PAEP: variants seen among roughly 807,000 people sequenced by gnomAD.
The protein encoded by PAEP is glycodelin.
A neutral mutation model predicts 23.0 loss-of-function variants in PAEP; 28 were observed. The observed-to-expected ratio is 1.22, with a 90% CI of 0.90 to 1.67. The LOEUF (loss-of-function observed/expected upper bound fraction) is 1.67. PAEP is among the 40% of genes most tolerant of loss of function. The probability of loss-of-function intolerance (pLI) is 0.00; values close to 1 mark genes in which losing one functional copy is unlikely to be tolerated. For synonymous variants in PAEP, 103 were observed against 92.4 expected, an observed-to-expected ratio of 1.12 and a Z score of -0.66; for missense variants, 209 against 226.4, an observed-to-expected ratio of 0.92 and a Z score of 0.49.
At chr9:135,565,241 G>T (rs1208281796) in intron 4 of PAEP, 169 bp from the exon 5 acceptor site, 4 of 623,026 alleles carry the variant, frequency 6.4e-6, no homozygotes, top group African/African-American at 1.8e-5. Flanking sequence ...GAGGTGCAGT[G>T]GACAGAGCCC....
chr9:135,563,990 C>T (rs1832458073), intron 3 of PAEP, among the ~76,000 whole-genome samples: 1 of 152,204 alleles, frequency 6.6e-6, no homozygotes, highest in Non-Finnish European at 1.5e-5. Flanking sequence ...GTCACAGCCT[C>T]CCTGCCTGCC....
chr9:135,564,043 C>T (rs1832460184), intron 3 of PAEP, among the ~76,000 whole-genome samples: 1 of 152,308 alleles, frequency 6.6e-6, no homozygotes. Flanking sequence ...CCCCCTCAGC[C>T]GGGGCTCCAT....
At chr9:135,565,844 C>T (rs781151840) in intron 6 of PAEP, 43 bp downstream of exon 6, 17 of 1,611,972 alleles carry the variant, frequency 1.1e-5, no homozygotes, top group Middle Eastern at 1.6e-4. Flanking sequence ...ATGTATCAGC[C>T]TCGCCCACTG....
chr9:135,565,609 A>C, intron 5 of PAEP, 95 bp downstream of exon 5: 1 of 1,394,430 alleles, frequency 7.2e-7, no homozygotes, highest in Non-Finnish European at 1.0e-6. Flanking sequence ...GACTCAGGTC[A>C]CTCCTTTTTG....
At chr9:135,562,956 G>A in intron 3 of PAEP, 63 bp downstream of exon 3, 1 of 1,341,178 alleles carries the variant, frequency 7.5e-7, no homozygotes, top group South Asian at 1.2e-5. Flanking sequence ...CTCTCCCAGA[G>A]GCGGCTCTGC....
At chr9:135,565,959 C>A in intron 6 of PAEP, 158 bp downstream of exon 6, 1 of 817,812 alleles carries the variant, frequency 1.2e-6, no homozygotes, top group Non-Finnish European at 2.1e-6. Flanking sequence ...TCCAGAAAGC[C>A]AGGCTGCTGA....
At chr9:135,562,977 G>A (rs777229310) in intron 3 of PAEP, 84 bp downstream of exon 3, 2 of 1,046,902 alleles carry the variant, frequency 1.9e-6, no homozygotes, top group East Asian at 2.4e-5. Context: ...TGGGGCATGA[G>A]GGAGTGGGGC....
chr9:135,565,205 A>T, intron 4 of PAEP: 1 of 591,092 alleles, frequency 1.7e-6, no homozygotes, highest in South Asian at 2.0e-5. Context: ...CGGGCCAAGG[A>T]GTGGGAGCTG....
At chr9:135,563,935 C>T (rs879654541) in intron 3 of PAEP, among the ~76,000 whole-genome samples, 4 of 152,142 alleles carry the variant, frequency 2.6e-5, no homozygotes, top group Non-Finnish European at 5.9e-5. Flanking sequence ...TGCCATCTCC[C>T]GCCATCCTCA....
intron 4 of PAEP, 118 bp downstream of exon 4, chr9:135,564,472 T>A (rs1832485616): frequency 6.8e-7 from 1 of 1,471,508 alleles, no homozygotes. Context: ...GTGGGCTGAC[T>A]TTTTTTTTCT....
chr9:135,563,782 C>T (rs961782808), intron 3 of PAEP, among the ~76,000 whole-genome samples: 2 of 152,166 alleles, frequency 1.3e-5, no homozygotes, highest in African/African-American at 4.8e-5. Flanking sequence ...CCCTCATGGG[C>T]ACATTTTCCC....
chr9:135,563,221 G>T (rs1024892270), intron 3 of PAEP, among the ~76,000 whole-genome samples: 36 of 152,190 alleles, frequency 2.4e-4, no homozygotes, highest in African/African-American at 8.4e-4. Context: ...CAGGTGGGCA[G>T]GTGGGCAGGT....
intron 1 of PAEP, 37 bp from the exon 2 acceptor site, chr9:135,562,257 T>G (rs1460066044): frequency 1.2e-6 from 2 of 1,604,796 alleles, no homozygotes; most frequent in Admixed American, 1.7e-5. Flanking sequence ...AGAGCCATGG[T>G]GGGGTGGGAC....
rs149474883 is a variant in PAEP at position 135,564,940 on chromosome 9, G to A, written c.422-470G>A. On this transcript the variant is annotated intron_variant, in intron 4 of 6. Transcript: ENST00000479141. ...TACTCACTGGGCGTCCAGTCAAAAC[G>A]CCCTGAAACCTATGATGCTGTCAAC... 36 of 922,214 alleles carry A rather than the reference G, an allele frequency of 3.9e-5. No homozygotes were observed. In the East Asian group the frequency reaches 3.1e-3, roughly 80 times the overall value. The allele number at this position is 922,214 out of a possible 1,614,324, so 57.1% of individuals were successfully genotyped here.
chr9:135,564,206 G>T (rs997923319), intron 3 of PAEP, 38 bp from the exon 4 acceptor site: 40 of 1,550,948 alleles, frequency 2.6e-5, no homozygotes, highest in African/African-American at 2.2e-4. Context: ...TGAGACGGAG[G>T]CTTCATCTTC....
chr9:135,565,524 G>C lies in PAEP; in HGVS notation c.526+10G>C, dbSNP rs765941303. On this transcript the variant is annotated intron_variant, in intron 5 of 6. Transcript: ENST00000479141. Reference sequence around the variant, plus strand: ...TTGAAACAGATGGAAGGTGAGCTCTGCCTAGGACACGCCCAGCCTCAGCTG... The same window carrying C: ...TTGAAACAGATGGAAGGTGAGCTCTCCCTAGGACACGCCCAGCCTCAGCTG... The C allele has an allele frequency of 4.4e-6, 7 of 1,608,334 alleles. No individual in the cohort carries two copies. The Admixed American group carries it at 1.2e-4, about 27-fold the overall frequency.
At chr9:135,562,464 C>T (rs367682859) in intron 2 of PAEP, 31 bp downstream of exon 2, 72 of 1,604,526 alleles carry the variant, frequency 4.5e-5, no homozygotes, top group Admixed American at 1.5e-4. Context: ...ACGGGCTGGG[C>T]GGGGGCTCAG....
chr9:135,562,651 C>T (rs1458119582), intron 2 of PAEP, among the ~76,000 whole-genome samples, 169 bp from the exon 3 acceptor site: 1 of 152,202 alleles, frequency 6.6e-6, no homozygotes, highest in Admixed American at 6.5e-5. Flanking sequence ...GGGCCAACAG[C>T]CAACCACACA....
At chr9:135,562,982 T>G (rs371463366) in intron 3 of PAEP, 89 bp downstream of exon 3, 2 of 998,098 alleles carry the variant, frequency 2.0e-6, no homozygotes, top group Admixed American at 1.7e-5. Context: ...CATGAGGGAG[T>G]GGGGCCTGGC....
Sources: gnomAD v4.1 joint callset for allele counts (sites outside exome capture counted in the v4.1 genomes callset) on GRCh38, gnomAD v4.1.1 for gene constraint, MANE v1.5 for transcripts, NCBI Gene and HGNC (gene_info 2026-07-23, HGNC 2026-07-21) for gene names.